The following MS4A3 variants were observed in gnomAD, a reference collection of about 807,000 sequenced individuals.
MS4A3 encodes the protein membrane spanning 4-domains A3.
In MS4A3, 18 loss-of-function variants were observed where a neutral mutation model predicts 24.7. The ratio of observed to expected loss-of-function variants is 0.73; its 90% CI spans 0.50 to 1.08. The LOEUF (loss-of-function observed/expected upper bound fraction) is 1.08, where lower values mean the gene tolerates loss of function less well. Among genes scored for constraint, MS4A3 ranks in the 50% least tolerant of loss-of-function variants. The pLI is 0.00. For synonymous variants in MS4A3, 84 were observed against 95.3 expected, an observed-to-expected ratio of 0.88 and a Z score of 0.69; for missense variants, 282 against 251.7, an observed-to-expected ratio of 1.12 and a Z score of -0.82.
chr11:60,058,023 C>T (rs1198945897), intron 1 of MS4A3, among the ~76,000 whole-genome samples: 3 of 152,122 alleles, frequency 2.0e-5, no homozygotes, highest in East Asian at 1.9e-4. Context: ...GAGCTAGGCA[C>T]TGGAGTTGCA....
chr11:60,061,121 G>A, intron 1 of MS4A3, 25 bp from the exon 2 acceptor site: 1 of 1,530,036 alleles, frequency 6.5e-7, no homozygotes, highest in South Asian at 1.3e-5. Flanking sequence ...AAGCATGAAG[G>A]CTTTGGATTT....
At position 60,067,039 on chromosome 11, in the gene MS4A3, T is replaced by G. The variant is rs769176627; in HGVS notation, c.440T>G (p.Ile147Ser). 7.6e-5 allele frequency: 123 copies of G among 1,613,238 alleles called. No homozygotes were observed. The East Asian group carries it at 8.5e-4, about 11-fold the overall frequency. Residue 147 changes from isoleucine to serine, a missense_variant, in exon 5 of 7, where the codon ATC (isoleucine) becomes AGC (serine). Transcript: ENST00000278865. ...CTCTCACTAAATATAGCAGTTAATA[T>G]CCAGTCATTAAGGAGTTGTCACTCT... ...AFLSLNIAVN[I>S]QSLRSCHSSS...
intron 3 of MS4A3, among the ~76,000 whole-genome samples, chr11:60,064,018 T>TA (rs796788550): frequency 4.0e-5 from 6 of 150,656 alleles, no homozygotes; most frequent in East Asian, 1.9e-4. Flanking sequence ...CGTATGGAAA[T>TA]AAAAAAAATT....
In MS4A3 at chr11:60,069,483, G is replaced by A. The variant is rs868048452; in HGVS notation, c.514-91G>A. 24 of 779,944 alleles carry A rather than the reference G, an allele frequency of 3.1e-5. 1 individual carries two copies. In the African/African-American group the frequency reaches 4.0e-4, roughly 13 times the overall value. 48.3% of individuals were successfully genotyped at this position (779,944 alleles called of 1,614,324 possible). A position where few individuals can be genotyped will look rare whatever the true frequency, so the allele number is the denominator to read the frequency against. Reference sequence around the variant, plus strand: ...TTCACTTTGTTCCACTTTACGGGAGGGAGATGTTGTAGTCTGGTTTCCTGC... The same window carrying A: ...TTCACTTTGTTCCACTTTACGGGAGAGAGATGTTGTAGTCTGGTTTCCTGC... On this transcript the variant is annotated intron_variant, in intron 5 of 6. Transcript: ENST00000278865.
At chr11:60,068,386 C>A (rs1488684665) in intron 5 of MS4A3, among the ~76,000 whole-genome samples, 1 of 150,224 alleles carries the variant, frequency 6.7e-6, no homozygotes, top group African/African-American at 2.4e-5. Flanking sequence ...ACTACAGGCG[C>A]CCGCCACCAC....
At position 60,066,858 on chromosome 11, in the gene MS4A3, CAA is replaced by C. The variant is rs1242248283; in HGVS notation, c.352-92_352-91del. On this transcript the variant is annotated intron_variant, in intron 4 of 6. Transcript: ENST00000278865. ...TCTAGGATATCAGTGGGTGTGTAAA[CAA>C]TATTCAATCAATGTTTGTTTCAATG... The C allele has an allele frequency of 5.7e-6, 6 of 1,048,236 alleles. No individual in the cohort carries two copies. The Admixed American group carries it at 1.9e-4, about 34-fold the overall frequency. 64.9% of individuals were successfully genotyped at this position (1,048,236 alleles called of 1,614,324 possible).
chr11:60,070,169 C>A, intron 6 of MS4A3, 35 bp from the exon 7 acceptor site: 1 of 1,567,726 alleles, frequency 6.4e-7, no homozygotes, highest in Non-Finnish European at 8.8e-7. Flanking sequence ...GATAATGATC[C>A]TGTTCTTGGA....
intron 2 of MS4A3, chr11:60,061,653 T>A (rs1380345412): frequency 7.1e-6 from 2 of 283,594 alleles, no homozygotes; most frequent in Admixed American, 4.6e-5. Context: ...GATAATCGAC[T>A]GTTTATATTA....
intron 5 of MS4A3, among the ~76,000 whole-genome samples, chr11:60,067,947 G>A (rs993799333): frequency 1.3e-5 from 2 of 151,978 alleles, no homozygotes; most frequent in Admixed American, 1.3e-4. Context: ...AGCTACTTGG[G>A]AGGCTGAGGC....
At chr11:60,069,809 T>C in intron 6 of MS4A3, 134 bp downstream of exon 6, 1 of 748,446 alleles carries the variant, frequency 1.3e-6, no homozygotes, top group Non-Finnish European at 2.3e-6. Context: ...AGAGATTGTA[T>C]GAATGTTAGA....
intron 4 of MS4A3, among the ~76,000 whole-genome samples, chr11:60,066,444 CCTT>C (rs1169062238): frequency 2.0e-5 from 3 of 152,078 alleles, no homozygotes; most frequent in South Asian, 2.1e-4. Flanking sequence ...TGTTAACTTT[CCTT>C]CTTCTTCATT....
intron 4 of MS4A3, 145 bp downstream of exon 4, chr11:60,064,463 A>T: frequency 2.6e-6 from 1 of 386,994 alleles, no homozygotes; most frequent in Non-Finnish European, 4.3e-6. Flanking sequence ...ACGTGTTCAG[A>T]TGGTAGGTCA....
intron 2 of MS4A3, chr11:60,061,570 CTT>C (rs1470868001): frequency 1.9e-6 from 1 of 517,198 alleles, no homozygotes; most frequent in Non-Finnish European, 3.6e-6. Context: ...TACATTTTCT[CTT>C]TCTTATGATT....
intron 4 of MS4A3, among the ~76,000 whole-genome samples, chr11:60,064,752 A>G (rs908075508): frequency 1.3e-5 from 2 of 152,144 alleles, no homozygotes; most frequent in Non-Finnish European, 1.5e-5. Context: ...TCCCTCCTCC[A>G]TGGATAGCTA....
chr11:60,060,776 GT>G (rs1314364091), intron 1 of MS4A3, among the ~76,000 whole-genome samples: 2 of 152,190 alleles, frequency 1.3e-5, no homozygotes, highest in Non-Finnish European at 2.9e-5. Context: ...TTACTGGAAT[GT>G]GACTAAAGCC....
At chr11:60,056,942 T>C (rs1855178925) in intron 1 of MS4A3, among the ~76,000 whole-genome samples, 1 of 152,166 alleles carries the variant, frequency 6.6e-6, no homozygotes. Context: ...GACATAATAA[T>C]ACAGCAATTT....
intron 1 of MS4A3, among the ~76,000 whole-genome samples, chr11:60,059,690 T>C (rs1195067907): frequency 1.3e-5 from 2 of 152,198 alleles, no homozygotes; most frequent in African/African-American, 4.8e-5. Flanking sequence ...ACTTCATCCA[T>C]GTTCCTGCAA....
chr11:60,067,773 C>T (rs936976401), intron 5 of MS4A3, among the ~76,000 whole-genome samples: 43 of 151,880 alleles, frequency 2.8e-4, no homozygotes, highest in African/African-American at 9.2e-4. Flanking sequence ...TTTCACCGGG[C>T]GCGGTGGCTC....
At chr11:60,058,506 CAAAAAAAAAAAAAAAAAAAAAAA>C (rs58722616) in intron 1 of MS4A3, among the ~76,000 whole-genome samples, 2 of 17,870 alleles carry the variant, frequency 1.1e-4, no homozygotes, top group African/African-American at 1.3e-4. Flanking sequence ...AGCTCCAACT[CAAAAAAAAAAAAAAAAAAAAAAA>C]AAAAAAAAAA....
Sources: allele counts gnomAD v4.1 joint callset (sites outside exome capture counted in the v4.1 genomes callset), GRCh38; gene constraint gnomAD v4.1.1; transcripts MANE v1.5; gene names NCBI Gene and HGNC (gene_info 2026-07-23, HGNC 2026-07-21).